KCTD16: variants seen among roughly 807,000 people sequenced by gnomAD.
The protein encoded by KCTD16 is potassium channel tetramerization domain containing 16.
A neutral mutation model predicts 33.2 loss-of-function variants in KCTD16; 13 were observed. The observed-to-expected ratio is 0.39, with a 90% CI of 0.25 to 0.62. KCTD16 has a LOEUF of 0.62. Ranked by LOEUF, KCTD16 falls within the 20% of genes least tolerant of loss-of-function variation. The pLI is 0.50. For synonymous variants in KCTD16, 197 were observed against 195.3 expected (o/e 1.01, Z -0.07); for missense variants, 441 against 525.1 (o/e 0.84, Z 1.57).
At chr5:144,262,223 T>C (rs4912966) in intron 3 of KCTD16, among the ~76,000 whole-genome samples, 36,533 of 151,988 alleles carry the variant, frequency 0.24, 4,580 homozygotes, top group Non-Finnish European at 0.28. Context: ...TTTAAAGTAC[T>C]GAAAGAAGAA....
At chr5:144,294,015 C>T (rs980474009) in intron 3 of KCTD16, among the ~76,000 whole-genome samples, 3 of 151,934 alleles carry the variant, frequency 2.0e-5, no homozygotes, top group Admixed American at 6.6e-5. Context: ...AAAAACTAGC[C>T]AGGTGTGGTG....
intron 3 of KCTD16, among the ~76,000 whole-genome samples, chr5:144,337,647 A>G (rs142406765): frequency 1.3e-5 from 2 of 152,200 alleles, no homozygotes; most frequent in East Asian, 3.9e-4. Flanking sequence ...TTAACCACTT[A>G]TATGCAATAT....
At chr5:144,414,568 GA>G (rs769389371) in intron 3 of KCTD16, among the ~76,000 whole-genome samples, 21 of 152,186 alleles carry the variant, frequency 1.4e-4, no homozygotes, top group Non-Finnish European at 2.4e-4. Context: ...CTTACTGCAT[GA>G]TTTTTGCATA....
chr5:144,356,241 A>G (rs1751568842), intron 3 of KCTD16, among the ~76,000 whole-genome samples: 1 of 152,160 alleles, frequency 6.6e-6, no homozygotes, highest in African/African-American at 2.4e-5. Flanking sequence ...CTCATATGAG[A>G]AGTTCGAAAA....
chr5:144,225,271 C>A (rs573787446), intron 3 of KCTD16, among the ~76,000 whole-genome samples: 1 of 151,824 alleles, frequency 6.6e-6, no homozygotes, highest in Non-Finnish European at 1.5e-5. Context: ...GTTTTATGAA[C>A]ACAATTTTCT....
chr5:144,242,868 A>C (rs1481694233), intron 3 of KCTD16, among the ~76,000 whole-genome samples: 2 of 152,138 alleles, frequency 1.3e-5, no homozygotes, highest in Non-Finnish European at 2.9e-5. Flanking sequence ...TAACCCCATG[A>C]CCTAAGACCT....
intron 3 of KCTD16, among the ~76,000 whole-genome samples, chr5:144,456,163 T>C (rs1381616423): frequency 6.6e-6 from 1 of 151,586 alleles, no homozygotes; most frequent in Admixed American, 6.6e-5. Context: ...TATAATTTAA[T>C]GTTCTTTAAT....
At chr5:144,210,690 C>G (rs1185813162) in intron 3 of KCTD16, among the ~76,000 whole-genome samples, 1 of 152,096 alleles carries the variant, frequency 6.6e-6, no homozygotes, top group Non-Finnish European at 1.5e-5. Flanking sequence ...ATTCACATCA[C>G]TTAGGAACCA....
intron 2 of KCTD16, among the ~76,000 whole-genome samples, chr5:144,182,925 T>C (rs1028349210): frequency 2.0e-5 from 3 of 152,226 alleles, no homozygotes; most frequent in African/African-American, 4.8e-5. Flanking sequence ...TTAACACATA[T>C]ACATACACAG....
intron 3 of KCTD16, among the ~76,000 whole-genome samples, chr5:144,314,638 GT>G (rs1484840615): frequency 6.6e-6 from 1 of 152,100 alleles, no homozygotes. Context: ...TCAGGATTAT[GT>G]ATAAAAGGAA....
intron 3 of KCTD16, among the ~76,000 whole-genome samples, chr5:144,458,267 T>C (rs761760446): frequency 4.6e-5 from 7 of 152,166 alleles, no homozygotes; most frequent in Non-Finnish European, 8.8e-5. Flanking sequence ...CTCGTTCAGG[T>C]CACCCACTGA....
chr5:144,343,050 G>T (rs893779122), intron 3 of KCTD16, among the ~76,000 whole-genome samples: 13 of 152,140 alleles, frequency 8.5e-5, no homozygotes, highest in Non-Finnish European at 1.5e-4. Context: ...CTTTTTGGTT[G>T]TGTCTCTGCC....
intron 3 of KCTD16, among the ~76,000 whole-genome samples, chr5:144,212,695 A>T (rs1753435017): frequency 6.6e-6 from 1 of 152,222 alleles, no homozygotes. Context: ...ATGAATGCTC[A>T]GTTTCTGCAT....
rs191433638 is a variant in KCTD16, at chr5:144,459,924, C to T, written c.833-13736C>T. Among the ~76,000 whole-genome samples the T allele has an allele frequency of 3.0e-3, 419 of 141,602 alleles. 3 individuals carry two copies. Among genetic ancestry groups the T allele is most frequent in the African/African-American group, 0.01 (395 of 38,154 alleles). 92.9% of individuals were successfully genotyped at this position (141,602 alleles called of 152,430 possible). A position where few individuals can be genotyped will look rare whatever the true frequency, so the allele number is the denominator to read the frequency against. ...TTGGCTCACTGCAAGATCCGCCTCC[C>T]GGGTTCACTCCATTCTCCTGCCTCA... On this transcript the variant is annotated intron_variant, in intron 3 of 3. Coordinates refer to ENST00000512467, the MANE Select transcript of KCTD16 (RefSeq NM_020768.4).
rs1396700378 is a variant in KCTD16, at chr5:144,206,902, A to T, written c.188A>T (p.Asn63Ile). 6.2e-7 allele frequency: 1 copy of T among 1,614,062 alleles called. No individual in the cohort carries two copies. Among genetic ancestry groups the T allele is most frequent in the Non-Finnish European group, 8.5e-7 (1 of 1,180,036 alleles). Residue 63 changes from asparagine (N) to isoleucine (I), a missense_variant, in exon 3 of 4, where the codon AAT becomes ATT. This residue lies in a region of KCTD16 where 80 missense variants were observed against 88.5 expected (regional missense o/e 0.90). Transcript: ENST00000512467. ...KMFSPKRDTA[N>I]DLAKDSKGRF... is the part of the protein sequence containing the mutation. ...TTTTCCCCAAAGAGAGACACGGCTAATGATCTAGCCAAGGACTCCAAGGGA... is the reference window on the plus strand; with the variant it reads ...TTTTCCCCAAAGAGAGACACGGCTATTGATCTAGCCAAGGACTCCAAGGGA...
intron 3 of KCTD16, among the ~76,000 whole-genome samples, chr5:144,461,613 C>A (rs1161549858): frequency 6.6e-6 from 1 of 152,166 alleles, no homozygotes; most frequent in African/African-American, 2.4e-5. Context: ...TATAGCAATT[C>A]AATCTCCACT....
intron 3 of KCTD16, among the ~76,000 whole-genome samples, chr5:144,300,444 G>A (rs1376855868): frequency 6.6e-6 from 1 of 152,166 alleles, no homozygotes; most frequent in Non-Finnish European, 1.5e-5. Flanking sequence ...TTAATAGGGT[G>A]CAAATTGTCT....
At position 144,264,095 on chromosome 5, in the gene KCTD16, C is replaced by T. The variant is rs73792356; in HGVS notation, c.832+56549C>T. 1.5e-3 allele frequency among the ~76,000 whole-genome samples: 230 copies of T among 152,316 alleles called. 1 individual carries two copies. The highest frequency in any genetic ancestry group is 5.1e-3 in the African/African-American group (214 of 41,566). On this transcript the variant is annotated intron_variant, in intron 3 of 3. Coordinates refer to ENST00000512467, the MANE Select transcript of KCTD16 (RefSeq NM_020768.4). ...ATTTCAAAAAACATTTAGACTGTAA[C>T]ACAAGCCTTATTTCTGAATTTTAGC...
At chr5:144,261,450 G>T (rs941090648) in intron 3 of KCTD16, among the ~76,000 whole-genome samples, 1 of 152,190 alleles carries the variant, frequency 6.6e-6, no homozygotes, top group African/African-American at 2.4e-5. Context: ...TAAAAGGGGA[G>T]AATTTGACCG....
Sources: allele counts gnomAD v4.1 joint callset (sites outside exome capture counted in the v4.1 genomes callset), GRCh38; gene constraint gnomAD v4.1.1; regional missense constraint gnomAD v4.1.1; transcripts MANE v1.5; gene names NCBI Gene and HGNC (gene_info 2026-07-23, HGNC 2026-07-21).